The following TMEM163 variants were observed in gnomAD, a reference collection of about 807,000 sequenced individuals.
TMEM163 encodes transmembrane protein 163.
In TMEM163, 17 loss-of-function variants were observed where a neutral mutation model predicts 29.3. The ratio of observed to expected loss-of-function variants is 0.58; its 90% CI spans 0.40 to 0.87. The LOEUF is 0.87. Among genes scored for constraint, TMEM163 ranks in the 40% least tolerant of loss-of-function variants. The pLI is 0.00. For missense variants in TMEM163, 303 were observed against 381.5 expected (o/e 0.79, Z 1.71); for synonymous variants, 157 against 160.6 (o/e 0.98, Z 0.17).
intron 5 of TMEM163, among the ~76,000 whole-genome samples, chr2:134,479,729 C>G (rs1687004353): frequency 6.6e-6 from 1 of 152,192 alleles, no homozygotes; most frequent in Non-Finnish European, 1.5e-5. Flanking sequence ...AATGAGGTAA[C>G]TCCCCCAGAG....
At chr2:134,646,331 C>T (rs764853551) in intron 2 of TMEM163, among the ~76,000 whole-genome samples, 5 of 152,016 alleles carry the variant, frequency 3.3e-5, no homozygotes, top group South Asian at 2.1e-4. Context: ...GTGATCCACC[C>T]GCCTCAGCCT....
chr2:134,656,772 G>A (rs1240341111), intron 2 of TMEM163, among the ~76,000 whole-genome samples: 2 of 152,192 alleles, frequency 1.3e-5, no homozygotes, highest in Non-Finnish European at 2.9e-5. Flanking sequence ...TATCCCTTCA[G>A]TGCCTTGTTT....
intron 4 of TMEM163, among the ~76,000 whole-genome samples, chr2:134,547,909 G>C (rs1680827191): frequency 6.6e-6 from 1 of 152,286 alleles, no homozygotes; most frequent in East Asian, 1.9e-4. Context: ...AAAACCTCCA[G>C]ACCTAACAAA....
intron 2 of TMEM163, among the ~76,000 whole-genome samples, chr2:134,646,203 G>C (rs761185765): frequency 2.6e-5 from 4 of 151,550 alleles, no homozygotes; most frequent in Non-Finnish European, 4.4e-5. Flanking sequence ...TTCCGCCTCA[G>C]CCTCCCAAGT....
At chr2:134,478,616 A>G (rs1340084777) in intron 5 of TMEM163, among the ~76,000 whole-genome samples, 1 of 152,190 alleles carries the variant, frequency 6.6e-6, no homozygotes, top group Non-Finnish European at 1.5e-5. Flanking sequence ...CATTCAAGAG[A>G]TGGTGTGGCT....
intron 5 of TMEM163, among the ~76,000 whole-genome samples, chr2:134,502,518 GA>G (rs888959866): frequency 6.6e-6 from 1 of 151,972 alleles, no homozygotes; most frequent in Non-Finnish European, 1.5e-5. Context: ...AGGTGCAAAG[GA>G]AAAAAATAAT....
At chr2:134,476,331 A>C (rs1686911964) in intron 5 of TMEM163, among the ~76,000 whole-genome samples, 1 of 152,218 alleles carries the variant, frequency 6.6e-6, no homozygotes, top group African/African-American at 2.4e-5. Flanking sequence ...ATGACAGCAA[A>C]GGGGCAGGAG....
intron 2 of TMEM163, among the ~76,000 whole-genome samples, chr2:134,577,810 T>TG (rs1553482560): frequency 0.011 from 1,622 of 148,208 alleles, 27 homozygotes; most frequent in African/African-American, 0.037. Flanking sequence ...CGAAAACATG[T>TG]GGGGGGGAAA....
At chr2:134,551,015 G>A (rs1680908209) in intron 3 of TMEM163, among the ~76,000 whole-genome samples, 2 of 152,172 alleles carry the variant, frequency 1.3e-5, no homozygotes, top group East Asian at 1.9e-4. Flanking sequence ...TAAGAGATTC[G>A]GGTGAGAATT....
Position 134,671,645 on chromosome 2 carries a change from C to A in TMEM163, c.322+41555G>T, listed in dbSNP as rs568893082. Among the ~76,000 whole-genome samples, 5 of 152,352 alleles carry A rather than the reference C, an allele frequency of 3.3e-5. No homozygotes were observed. In the South Asian group the frequency reaches 1.0e-3, roughly 32 times the overall value. On this transcript the variant is annotated intron_variant, in intron 2 of 7. Transcript: ENST00000281924. ...ACTGGCTATGAAATGCCATTGTTAA[C>A]CTCCTCCACATTCCCCACCCCCTGG...
intron 2 of TMEM163, among the ~76,000 whole-genome samples, chr2:134,625,510 G>A (rs1014262687): frequency 5.3e-5 from 8 of 152,168 alleles, no homozygotes; most frequent in Non-Finnish European, 1.2e-4. Flanking sequence ...GTCAGAGTCC[G>A]GAAGCACAAT....
At chr2:134,504,447 T>G (rs1679775137) in intron 4 of TMEM163, among the ~76,000 whole-genome samples, 1 of 144,074 alleles carries the variant, frequency 6.9e-6, no homozygotes, top group East Asian at 2.1e-4. Flanking sequence ...GGACACAGGC[T>G]CTGCAAAAAA....
chr2:134,587,764 G>A (rs1681854218), intron 2 of TMEM163, among the ~76,000 whole-genome samples: 1 of 152,202 alleles, frequency 6.6e-6, no homozygotes, highest in South Asian at 2.1e-4. Flanking sequence ...TGGAAAACCT[G>A]GAAGGCTCCA....
intron 2 of TMEM163, among the ~76,000 whole-genome samples, chr2:134,685,978 A>G (rs1458189350): frequency 6.6e-6 from 1 of 152,206 alleles, no homozygotes; most frequent in East Asian, 1.9e-4. Context: ...ATCTTCAGCT[A>G]TAGCTTGATT....
intron 6 of TMEM163, chr2:134,458,781 TA>T (rs1012489688): frequency 6.6e-6 from 1 of 152,436 alleles, no homozygotes; most frequent in African/African-American, 2.4e-5. Flanking sequence ...CTCCTCTAAG[TA>T]ACCTGAGGTT....
intron 2 of TMEM163, among the ~76,000 whole-genome samples, chr2:134,585,653 G>A (rs60311794): frequency 0.05 from 7,592 of 151,768 alleles, 395 homozygotes; most frequent in East Asian, 0.27. Flanking sequence ...GAAGCAGGAG[G>A]ATGGCGTGAA....
intron 2 of TMEM163, among the ~76,000 whole-genome samples, chr2:134,706,736 C>A (rs1684821665): frequency 6.6e-6 from 1 of 152,116 alleles, no homozygotes; most frequent in Non-Finnish European, 1.5e-5. Context: ...CCACAAGGAG[C>A]CTCTGGGGGC....
chr2:134,582,302 G>C (rs1681714041), intron 2 of TMEM163, among the ~76,000 whole-genome samples: 1 of 152,144 alleles, frequency 6.6e-6, no homozygotes, highest in African/African-American at 2.4e-5. Flanking sequence ...GGTGGGGGAA[G>C]GTCAGTATGG....
At chr2:134,702,368 G>A (rs540812868) in intron 2 of TMEM163, among the ~76,000 whole-genome samples, 3 of 152,338 alleles carry the variant, frequency 2.0e-5, no homozygotes, top group Admixed American at 1.3e-4. Flanking sequence ...CCAACCAGGG[G>A]AGCAGTGGCT....
Sources: allele counts gnomAD v4.1 joint callset (sites outside exome capture counted in the v4.1 genomes callset), GRCh38; gene constraint gnomAD v4.1.1; transcripts MANE v1.5; gene names NCBI Gene and HGNC (gene_info 2026-07-23, HGNC 2026-07-21).